The following DNAJC10 variants were observed in gnomAD, a reference collection of about 807,000 sequenced individuals.
DNAJC10 encodes the protein endoplasmic reticulum disulfide reductase DNAJC10.
Under a neutral mutation model 115.0 loss-of-function variants are expected in DNAJC10, and 101 were observed. The observed-to-expected ratio is 0.88, with a 90% confidence interval of 0.75 to 1.04. The LOEUF (loss-of-function observed/expected upper bound fraction) is 1.04, where lower values mean the gene tolerates loss of function less well. DNAJC10 is among the 50% of genes least tolerant of loss of function. DNAJC10 has a pLI of 0.00. For synonymous variants in DNAJC10, 307 were observed against 301.5 expected (o/e 1.02, Z -0.19); for missense variants, 981 against 928.8 (o/e 1.06, Z -0.73).
Position 182,779,337 on chromosome 2 carries a change from C to T in DNAJC10, c.*2205C>T, listed in dbSNP as rs891194077. The T allele has an allele frequency of 1.3e-5, 2 of 152,182 alleles. No individual in the cohort carries two copies. Among genetic ancestry groups the T allele is most frequent in the African/African-American group, 4.8e-5 (2 of 41,440 alleles). 9.4% of individuals were successfully genotyped at this position (152,182 alleles called of 1,614,324 possible). A position where few individuals can be genotyped will look rare whatever the true frequency, so the allele number is the denominator to read the frequency against. On this transcript the variant is annotated 3_prime_UTR_variant, in exon 24 of 24. Coordinates refer to ENST00000264065, the MANE Select transcript of DNAJC10 (RefSeq NM_018981.4). ...GAGTACCAGGTATAATGTGCCATTT[C>T]TCTCAGCAACACCATTTTTGTGTGC...
At chr2:182,731,182 C>G in intron 9 of DNAJC10, 75 bp downstream of exon 9, 1 of 1,060,286 alleles carries the variant, frequency 9.4e-7, no homozygotes, top group Non-Finnish European at 1.4e-6. Flanking sequence ...AAGTATGCTA[C>G]TGTAATTGAT....
In DNAJC10 at chr2:182,741,929, CT is replaced by C. The variant is rs543585271; in HGVS notation, c.1191+583del. On this transcript the variant is annotated intron_variant, in intron 13 of 23. Coordinates refer to ENST00000264065, the MANE Select transcript of DNAJC10 (RefSeq NM_018981.4). The stretch of plus-strand genomic sequence containing the variant: ...TTAATCAAAATGGATTCACTGTATG[CT>C]TTTTTTTTTAACTTCTGTCATACAA... 4.9e-4 allele frequency among the ~76,000 whole-genome samples: 72 copies of C among 146,998 alleles called. 1 individual carries two copies. The highest frequency in any genetic ancestry group is 7.5e-4 in the Admixed American group (11 of 14,748).
rs1457599441 is a variant in DNAJC10, at chr2:182,718,245, A to G, written c.159A>G (p.Gln53=). The change falls in exon 3 of 24, where the codon CAA becomes CAG. Residue 53 remains glutamine (Q), a synonymous_variant. Coordinates refer to ENST00000264065, the MANE Select transcript of DNAJC10 (RefSeq NM_018981.4). The part of the protein sequence containing the change: ...SKTASSREIR[Q]AFKKLALKLH... ...CTGCAAGCAGTAGAGAAATAAGACA[A>G]GCTTTCAAGAAATTGGCATTGAAGT... 1.2e-6 allele frequency: 2 copies of G among 1,612,148 alleles called. No homozygotes were observed. The highest frequency in any genetic ancestry group is 2.2e-5 in the East Asian group (1 of 44,766).
rs548202763 is a variant in DNAJC10 at position 182,792,359 on chromosome 2, A to G, written c.*15227A>G. ...GGAACAGGATAACATTTTGAGGTAC[A>G]AAAAATAATGAAGAGGATATATTCC... On this transcript the variant is annotated 3_prime_UTR_variant, in exon 24 of 24. Transcript: ENST00000264065. 6.6e-6 allele frequency: 1 copy of G among 152,310 alleles called. No homozygotes were observed. Among genetic ancestry groups the G allele is most frequent in the South Asian group, 2.1e-4 (1 of 4,826 alleles). The allele number at this position is 152,310 out of a possible 1,614,324, so 9.4% of individuals were successfully genotyped here.
chr2:182,767,495 C>A (rs1244382808), intron 22 of DNAJC10, among the ~76,000 whole-genome samples: 2 of 152,184 alleles, frequency 1.3e-5, no homozygotes, highest in African/African-American at 4.8e-5. Flanking sequence ...GGGTCCCATC[C>A]TCCTGATGGG....
rs1226579807 is a variant in DNAJC10, at chr2:182,787,019, C to T, written c.*9887C>T. On this transcript the variant is annotated 3_prime_UTR_variant, in exon 24 of 24. Coordinates refer to ENST00000264065, the MANE Select transcript of DNAJC10 (RefSeq NM_018981.4). ...TGTAAACCAACAAACAAGGCCCTCA[C>T]CAGGCACTCAATCTGCCAGCACTTT... is the stretch of plus-strand genomic sequence containing the variant. 1 of 152,380 alleles carries T rather than the reference C, an allele frequency of 6.6e-6. No individual in the cohort carries two copies. The highest frequency in any genetic ancestry group is 2.4e-5 in the African/African-American group (1 of 41,442). 9.4% of individuals were successfully genotyped at this position (152,380 alleles called of 1,614,324 possible).
In DNAJC10 at chr2:182,749,706, T is replaced by C. The variant is rs141418226; in HGVS notation, c.1307-1952T>C. Among the ~76,000 whole-genome samples, 740 of 152,354 alleles carry C rather than the reference T, an allele frequency of 4.9e-3. 13 individuals carry two copies. Among genetic ancestry groups the C allele is most frequent in the African/African-American group, 0.017 (714 of 41,590 alleles). On this transcript the variant is annotated intron_variant, in intron 14 of 23. Transcript: ENST00000264065. ...GAATTTGATTTTATGGACAAGTTTT[T>C]AAAAGTGTTTGCAGTGGAGAGTATT...
intron 11 of DNAJC10, chr2:182,739,515 TAACCATTGCTGC>T: frequency 8.4e-7 from 1 of 1,193,520 alleles, no homozygotes; most frequent in Non-Finnish European, 1.1e-6. Context: ...TTTCTTGATG[TAACCATTGCTGC>T]ATTCTTTATA....
Position 182,718,912 on chromosome 2 carries a change from A to T in DNAJC10, c.204+622A>T, listed in dbSNP as rs1019108643. 3.3e-5 allele frequency among the ~76,000 whole-genome samples: 5 copies of T among 152,158 alleles called. No homozygotes were observed. In the South Asian group the frequency reaches 1.0e-3, roughly 31 times the overall value. On this transcript the variant is annotated intron_variant, in intron 3 of 23. Coordinates refer to ENST00000264065, the MANE Select transcript of DNAJC10 (RefSeq NM_018981.4). ...TATTTCTTAGTGAGATTTAGCGTTC[A>T]TCATTAACAAGAAGACATAGTTATA...
intron 14 of DNAJC10, among the ~76,000 whole-genome samples, chr2:182,745,477 A>G (rs1486809744): frequency 1.3e-5 from 2 of 152,226 alleles, no homozygotes; most frequent in Non-Finnish European, 2.9e-5. Context: ...TGGAAAATAT[A>G]TTATGAATCT....
chr2:182,750,917 G>A (rs1401522842), intron 14 of DNAJC10, among the ~76,000 whole-genome samples: 1 of 152,120 alleles, frequency 6.6e-6, no homozygotes, highest in Non-Finnish European at 1.5e-5. Context: ...ACTGTATTGT[G>A]TTTGACGTGT....
At chr2:182,760,204 T>C (rs182585157) in intron 21 of DNAJC10, among the ~76,000 whole-genome samples, 33 of 152,260 alleles carry the variant, frequency 2.2e-4, no homozygotes, top group East Asian at 1.5e-3. Flanking sequence ...CTTACCTTGG[T>C]CATCTGTATT....
intron 5 of DNAJC10, among the ~76,000 whole-genome samples, chr2:182,727,601 A>G (rs1171761333): frequency 6.6e-6 from 1 of 152,096 alleles, no homozygotes; most frequent in Non-Finnish European, 1.5e-5. Context: ...CTGTTTTCCC[A>G]CAGGTCTGTC....
At chr2:182,766,568 C>T (rs557417779) in intron 22 of DNAJC10, among the ~76,000 whole-genome samples, 1 of 152,150 alleles carries the variant, frequency 6.6e-6, no homozygotes, top group Non-Finnish European at 1.5e-5. Flanking sequence ...TTGCTACCCA[C>T]AGAGGCCTGG....
chr2:182,740,656 G>C (rs1033738811), intron 12 of DNAJC10, among the ~76,000 whole-genome samples: 8 of 152,108 alleles, frequency 5.3e-5, no homozygotes, highest in Non-Finnish European at 8.8e-5. Context: ...ATTTTAATCA[G>C]AGCAACTTTG....
Position 182,784,292 on chromosome 2 carries a change from C to T in DNAJC10, c.*7160C>T, listed in dbSNP as rs1694906845. The T allele has an allele frequency of 6.6e-6, 1 of 152,008 alleles. No individual in the cohort carries two copies. Among genetic ancestry groups the T allele is most frequent in the Non-Finnish European group, 1.5e-5 (1 of 68,010 alleles). The allele number at this position is 152,008 out of a possible 1,614,324, so 9.4% of individuals were successfully genotyped here. Reference sequence around the variant, plus strand: ...TGAGCAGAGATCACACCACTGCCCTCCAGCCTGGGTGACGGAGTAAGACCC... The same window carrying T: ...TGAGCAGAGATCACACCACTGCCCTTCAGCCTGGGTGACGGAGTAAGACCC... On this transcript the variant is annotated 3_prime_UTR_variant, in exon 24 of 24. Transcript: ENST00000264065.
In DNAJC10 at chr2:182,783,192, G is replaced by T. The variant is rs978559599; in HGVS notation, c.*6060G>T. ...TTTTGTCATAACTGCTATTTCAAAT[G>T]TTTGGAGGAAGTAAAATGTCTTTAA... On this transcript the variant is annotated 3_prime_UTR_variant, in exon 24 of 24. Coordinates refer to ENST00000264065, the MANE Select transcript of DNAJC10 (RefSeq NM_018981.4). The T allele has an allele frequency of 6.6e-6, 1 of 152,116 alleles. No homozygotes were observed. The highest frequency in any genetic ancestry group is 1.9e-4 in the East Asian group (1 of 5,192). The allele number at this position is 152,116 out of a possible 1,614,324, so 9.4% of individuals were successfully genotyped here.
In DNAJC10 at chr2:182,786,589, A is replaced by T. The variant is rs144287995; in HGVS notation, c.*9457A>T. 1.3e-5 allele frequency: 2 copies of T among 152,174 alleles called. No homozygotes were observed. The highest frequency in any genetic ancestry group is 4.8e-5 in the African/African-American group (2 of 41,420). 9.4% of individuals were successfully genotyped at this position (152,174 alleles called of 1,614,324 possible). Reference sequence around the variant, plus strand: ...GGTGTGACCTCCTGTTCCCAAAGGAATAGACCTAGGTGACCAACCAGCAGC... The same window carrying T: ...GGTGTGACCTCCTGTTCCCAAAGGATTAGACCTAGGTGACCAACCAGCAGC... On this transcript the variant is annotated 3_prime_UTR_variant, in exon 24 of 24. Coordinates refer to ENST00000264065, the MANE Select transcript of DNAJC10 (RefSeq NM_018981.4).
At chr2:182,754,726 A>T (rs1400428214) in intron 16 of DNAJC10, 2 of 1,130,286 alleles carry the variant, frequency 1.8e-6, no homozygotes, top group African/African-American at 3.2e-5. Context: ...GACCATTCGT[A>T]TAATTACCCA....
Sources: gnomAD v4.1 joint callset for allele counts (sites outside exome capture counted in the v4.1 genomes callset) on GRCh38, gnomAD v4.1.1 for gene constraint, MANE v1.5 for transcripts, NCBI Gene and HGNC (gene_info 2026-07-23, HGNC 2026-07-21) for gene names.